AOPEP: variants seen among roughly 807,000 people sequenced by gnomAD.
AOPEP encodes the protein aminopeptidase O.
A neutral mutation model predicts 98.1 loss-of-function variants in AOPEP; 77 were observed. The ratio of observed to expected loss-of-function variants is 0.78; its 90% CI spans 0.65 to 0.95. The LOEUF is 0.95. Ranked by LOEUF, AOPEP falls within the 40% of genes least tolerant of loss-of-function variation. The pLI is 0.00. For missense variants in AOPEP, 1,024 were observed against 1,024.7 expected (o/e 1.00, Z 0.01); for synonymous variants, 346 against 365.3 (o/e 0.95, Z 0.60).
chr9:95,101,582 A>G, the AOPEP span: 37 of 1,153,050 alleles, frequency 3.2e-5, no homozygotes, highest in Middle Eastern at 2.7e-4. Context: ...AGATGTGTAC[A>G]GCTCATTCTC....
intron 5 of AOPEP, chr9:94,921,210 A>T (rs1218814573): frequency 6.6e-6 from 1 of 152,162 alleles, no homozygotes; most frequent in African/African-American, 2.4e-5. Context: ...TTTCAAGGGG[A>T]AAAAAAGAAA....
At chr9:94,813,966 G>A (rs1414165678) in intron 5 of AOPEP, among the ~76,000 whole-genome samples, 1 of 152,216 alleles carries the variant, frequency 6.6e-6, no homozygotes, top group Non-Finnish European at 1.5e-5. Context: ...AGAAAAGGGA[G>A]TTTGGTGTAC....
chr9:95,078,222 ATC>A (rs2069303506), intron 14 of AOPEP, among the ~76,000 whole-genome samples: 1 of 152,300 alleles, frequency 6.6e-6, no homozygotes, highest in South Asian at 2.1e-4. Context: ...TCCACCCGCC[ATC>A]TGGACCTGCA....
chr9:95,007,388 T>TG lies in AOPEP; in HGVS notation c.2115+1781dup, dbSNP rs5899241. Among the ~76,000 whole-genome samples, 1,177 of 146,740 alleles carry TG rather than the reference T, an allele frequency of 8.0e-3. 18 individuals carry two copies. Among genetic ancestry groups the TG allele is most frequent in the African/African-American group, 0.028 (1,110 of 39,092 alleles). On this transcript the variant is annotated intron_variant, in intron 13 of 16. Coordinates refer to ENST00000375315, the MANE Select transcript of AOPEP (RefSeq NM_001193329.3). Reference sequence around the variant, plus strand: ...CCTGAGAATCGGGGTGGGGAGAAAGTGGGGGGGGGACTGATTATTTTACCT... The same window carrying TG: ...CCTGAGAATCGGGGTGGGGAGAAAGTGGGGGGGGGGACTGATTATTTTACCT...
chr9:95,125,074 G>T, the AOPEP span: 3 of 1,606,892 alleles, frequency 1.9e-6, no homozygotes, highest in Non-Finnish European at 2.6e-6. Context: ...TAATATATGT[G>T]ATATAACAAA....
chr9:94,745,578 G>A (rs1422477463), intron 1 of AOPEP, among the ~76,000 whole-genome samples: 4 of 152,062 alleles, frequency 2.6e-5, no homozygotes, highest in Non-Finnish European at 1.5e-5. Context: ...CCCGGCAATT[G>A]TTTTAATTTT....
chr9:94,946,002 G>A (rs529189281), intron 7 of AOPEP, among the ~76,000 whole-genome samples: 1 of 152,224 alleles, frequency 6.6e-6, no homozygotes, highest in Admixed American at 6.5e-5. Context: ...AGCTTATGAG[G>A]AGACCTGTCT....
chr9:94,800,761 G>A lies in AOPEP; in HGVS notation c.1123G>A (p.Val375Ile), dbSNP rs1393874476. The A allele has an allele frequency of 6.2e-7, 1 of 1,614,010 alleles. No individual in the cohort carries two copies. Residue 375 changes from valine (V) to isoleucine (I), a missense_variant, in exon 5 of 17, where the codon GTT becomes ATT. Physicochemically the swap from Val to Ile is conservative, Grantham distance 29. This residue lies in a region of AOPEP where 18 missense variants were observed against 39.1 expected (regional missense o/e 0.46). Coordinates refer to ENST00000375315, the MANE Select transcript of AOPEP (RefSeq NM_001193329.3). ...FSPSEANFRHVGVCSHMEYPC... is the reference protein window; with the variant it reads ...FSPSEANFRHIGVCSHMEYPC... The stretch of plus-strand genomic sequence containing the variant: ...TTTATTTTGTGTTATTCCCAGGCAT[G>A]TTGGTGTTTGCAGTCACATGGAATA...
At chr9:95,044,084 C>T (rs1002048575) in intron 13 of AOPEP, among the ~76,000 whole-genome samples, 1 of 152,180 alleles carries the variant, frequency 6.6e-6, no homozygotes, top group African/African-American at 2.4e-5. Flanking sequence ...GGGAGAAAAG[C>T]ACCATCTGCA....
intron 5 of AOPEP, among the ~76,000 whole-genome samples, chr9:94,888,895 A>C (rs925414473): frequency 1.3e-5 from 2 of 152,134 alleles, no homozygotes; most frequent in Non-Finnish European, 2.9e-5. Flanking sequence ...AGGTGATTTT[A>C]TCATGCATGA....
At chr9:94,827,600 A>G (rs897013907) in intron 5 of AOPEP, among the ~76,000 whole-genome samples, 2 of 152,176 alleles carry the variant, frequency 1.3e-5, no homozygotes, top group South Asian at 2.1e-4. Flanking sequence ...TAAAATTTAT[A>G]TGGGAACTGT....
At chr9:94,864,593 C>A (rs141060605) in intron 5 of AOPEP, among the ~76,000 whole-genome samples, 1 of 151,946 alleles carries the variant, frequency 6.6e-6, no homozygotes, top group Non-Finnish European at 1.5e-5. Flanking sequence ...AATATGAATG[C>A]ACATTTTCAG....
the AOPEP span, chr9:95,126,828 T>C: frequency 1.0e-5 from 5 of 487,210 alleles, no homozygotes; most frequent in East Asian, 7.3e-5. Flanking sequence ...CCACATTTTC[T>C]ATAAAAGCTC....
the AOPEP span, chr9:95,135,236 G>T: frequency 2.8e-6 from 3 of 1,061,156 alleles, no homozygotes. Context: ...ATATATAAAG[G>T]TTCCAATTGC....
At chr9:95,114,491 C>T in the AOPEP span, 1 of 834,548 alleles carries the variant, frequency 1.2e-6, no homozygotes. Context: ...CCACTTCTCA[C>T]TTCACCATGG....
chr9:95,106,762 T>A, the AOPEP span, among the ~76,000 whole-genome samples: 1 of 152,210 alleles, frequency 6.6e-6, no homozygotes, highest in Non-Finnish European at 1.5e-5. Flanking sequence ...CACACTGCGA[T>A]GGAAAGAAAT....
intron 15 of AOPEP, among the ~76,000 whole-genome samples, chr9:95,082,015 G>A (rs1020551155): frequency 1.3e-5 from 2 of 152,036 alleles, no homozygotes; most frequent in Non-Finnish European, 2.9e-5. Flanking sequence ...CAGCAGAGCC[G>A]GTGCGGGCTA....
intron 5 of AOPEP, among the ~76,000 whole-genome samples, chr9:94,814,661 C>T (rs1851328955): frequency 6.6e-6 from 1 of 152,172 alleles, no homozygotes; most frequent in South Asian, 2.1e-4. Flanking sequence ...AATATTAGTT[C>T]CAGGATTAGT....
At chr9:94,801,174 C>T (rs964451612) in intron 5 of AOPEP, among the ~76,000 whole-genome samples, 172 bp downstream of exon 5, 2 of 152,202 alleles carry the variant, frequency 1.3e-5, no homozygotes, top group Non-Finnish European at 2.9e-5. Context: ...AATGCAGACT[C>T]CCTCATGCAC....
Sources: allele counts gnomAD v4.1 joint callset (sites outside exome capture counted in the v4.1 genomes callset), GRCh38; gene constraint gnomAD v4.1.1; regional missense constraint gnomAD v4.1.1; transcripts MANE v1.5; gene names NCBI Gene and HGNC (gene_info 2026-07-23, HGNC 2026-07-21).